NFIB: variants seen among roughly 807,000 people sequenced by gnomAD.
NFIB encodes nuclear factor 1 B-type.
A neutral mutation model predicts 61.5 loss-of-function variants in NFIB; 11 were observed. That is an observed-to-expected ratio of 0.18 (90% CI 0.11 to 0.30). The LOEUF (loss-of-function observed/expected upper bound fraction) is 0.30, where lower values mean the gene tolerates loss of function less well. NFIB is among the 10% of genes least tolerant of loss of function. The probability of loss-of-function intolerance (pLI) is 1.00; values close to 1 mark genes in which losing one functional copy is unlikely to be tolerated. For missense variants in NFIB, 471 were observed against 608.9 expected (o/e 0.77, Z 2.38); for synonymous variants, 260 against 216.5 (o/e 1.20, Z -1.76).
chr9:14,313,515 T>G lies in NFIB; in HGVS notation c.-4A>C. The G allele has an allele frequency of 6.2e-7, 1 of 1,613,778 alleles. No individual in the cohort carries two copies. Among genetic ancestry groups the G allele is most frequent in the South Asian group, 1.1e-5 (1 of 91,010 alleles). ...GACAGATGGGAGAATACATCATGAC[T>G]TCGCCTTAAAACGCACTTTCCGGGA... On this transcript the variant is annotated 5_prime_UTR_variant, in exon 1 of 11. Transcript: ENST00000380953. This position sits in a 1 kb window ranked among gnomAD's most constrained non-coding sequence, Gnocchi z 4.5.
At chr9:14,529,285 A>T in the NFIB span, among the ~76,000 whole-genome samples, 1 of 152,176 alleles carries the variant, frequency 6.6e-6, no homozygotes, top group African/African-American at 2.4e-5. Context: ...AATCTAACTG[A>T]AACAGACAAT....
the NFIB span, among the ~76,000 whole-genome samples, chr9:14,514,778 C>G: frequency 6.6e-6 from 1 of 151,858 alleles, no homozygotes; most frequent in Non-Finnish European, 1.5e-5. Flanking sequence ...AGTGAGCAGC[C>G]CAAAAGCTGG....
the NFIB span, among the ~76,000 whole-genome samples, chr9:14,462,322 G>C: frequency 6.9e-6 from 1 of 145,044 alleles, no homozygotes; most frequent in Non-Finnish European, 1.5e-5. Flanking sequence ...TTGCTCTGTT[G>C]CCCAGGCTGG....
chr9:14,468,152 C>A, the NFIB span, among the ~76,000 whole-genome samples: 3 of 152,306 alleles, frequency 2.0e-5, no homozygotes, highest in Admixed American at 1.3e-4. Context: ...AAGCCACTCA[C>A]CAAGGATGTA....
In NFIB at chr9:14,084,773, C is replaced by T. The variant is rs554162935; in HGVS notation, c.*3536G>A. On this transcript the variant is annotated 3_prime_UTR_variant, in exon 11 of 11. Transcript: ENST00000380953. ...TCGTCAGAATATACTTCCTGGTACA[C>T]GAGGAGGAGGCCGAAAAGTTGATTT... 10 of 228,440 alleles carry T rather than the reference C, an allele frequency of 4.4e-5. No homozygotes were observed. The highest frequency in any genetic ancestry group is 5.7e-5 in the Admixed American group (1 of 17,582). The allele number at this position is 228,440 out of a possible 1,614,324, so 14.2% of individuals were successfully genotyped here.
chr9:14,113,536 T>C (rs1321318102), intron 9 of NFIB, among the ~76,000 whole-genome samples: 1 of 152,256 alleles, frequency 6.6e-6, no homozygotes, highest in African/African-American at 2.4e-5. Flanking sequence ...TTTAAGCAGA[T>C]GTTCTTAATG....
chr9:14,439,525 TAGTA>T, the NFIB span, among the ~76,000 whole-genome samples: 1 of 152,230 alleles, frequency 6.6e-6, no homozygotes, highest in Non-Finnish European at 1.5e-5. Context: ...GTCTGGTACT[TAGTA>T]AGTGCTTAAT....
chr9:14,455,450 G>A, the NFIB span, among the ~76,000 whole-genome samples: 3 of 152,282 alleles, frequency 2.0e-5, no homozygotes, highest in East Asian at 5.8e-4. Flanking sequence ...TGAACTGGAT[G>A]AACAAGTGGA....
At chr9:14,245,864 C>A (rs185352795) in intron 2 of NFIB, among the ~76,000 whole-genome samples, 8 of 152,084 alleles carry the variant, frequency 5.3e-5, no homozygotes, top group Admixed American at 2.6e-4. Context: ...CAGAGCGAGA[C>A]TCTGTCTCGA....
In NFIB at chr9:14,084,695, T is replaced by A. The variant is rs912789675; in HGVS notation, c.*3614A>T. The A allele has an allele frequency of 1.7e-5, 4 of 229,842 alleles. No individual in the cohort carries two copies. Among genetic ancestry groups the A allele is most frequent in the African/African-American group, 2.2e-5 (1 of 45,138 alleles). 14.2% of individuals were successfully genotyped at this position (229,842 alleles called of 1,614,324 possible). A position where few individuals can be genotyped will look rare whatever the true frequency, so the allele number is the denominator to read the frequency against. The stretch of plus-strand genomic sequence containing the variant: ...TGGGTGACCTTCGCCATCCTGAAGC[T>A]CTGCAGTTCTGGGTAAGGGAGGGGC... On this transcript the variant is annotated 3_prime_UTR_variant, in exon 11 of 11. Coordinates refer to ENST00000380953, the MANE Select transcript of NFIB (RefSeq NM_001190737.2).
At chr9:14,461,271 G>T in the NFIB span, among the ~76,000 whole-genome samples, 1 of 152,198 alleles carries the variant, frequency 6.6e-6, no homozygotes, top group Non-Finnish European at 1.5e-5. Flanking sequence ...ATGAGAACAT[G>T]AATGAATCAA....
the NFIB span, among the ~76,000 whole-genome samples, chr9:14,447,024 T>G: frequency 6.6e-6 from 1 of 152,180 alleles, no homozygotes; most frequent in Non-Finnish European, 1.5e-5. Flanking sequence ...CATGCTTTTA[T>G]CACATATGAA....
chr9:14,459,561 A>G, the NFIB span, among the ~76,000 whole-genome samples: 1 of 152,092 alleles, frequency 6.6e-6, no homozygotes. Context: ...AAAAGAAACT[A>G]TCATCAGAGT....
intron 1 of NFIB, among the ~76,000 whole-genome samples, chr9:14,367,818 G>A (rs895211413): frequency 2.0e-5 from 3 of 152,168 alleles, no homozygotes; most frequent in Admixed American, 6.5e-5. Flanking sequence ...TCATAAGAGG[G>A]AGTTGAACAA....
At chr9:14,310,384 A>C (rs1339059468) in intron 1 of NFIB, among the ~76,000 whole-genome samples, 3 of 152,208 alleles carry the variant, frequency 2.0e-5, no homozygotes, top group Admixed American at 2.0e-4. Context: ...TATCCTCCAA[A>C]AATGACTGTA....
intron 1 of NFIB, among the ~76,000 whole-genome samples, chr9:14,340,119 T>C (rs1195536830): frequency 6.6e-6 from 1 of 152,198 alleles, no homozygotes; most frequent in Admixed American, 6.5e-5. Flanking sequence ...GGGCTCTAAC[T>C]TTCAGTCCTG....
chr9:14,479,774 C>T, the NFIB span, among the ~76,000 whole-genome samples: 5 of 152,152 alleles, frequency 3.3e-5, no homozygotes, highest in Admixed American at 6.5e-5. Context: ...AATTGGGTTT[C>T]AAATGTAAGG....
intron 3 of NFIB, among the ~76,000 whole-genome samples, chr9:14,167,431 G>A (rs1056976553): frequency 1.3e-5 from 2 of 152,098 alleles, no homozygotes; most frequent in Admixed American, 6.6e-5. Flanking sequence ...TGCTCAGGAG[G>A]CTGAGGCATG....
At chr9:14,475,697 C>T in the NFIB span, among the ~76,000 whole-genome samples, 26 of 152,200 alleles carry the variant, frequency 1.7e-4, no homozygotes, top group Admixed American at 8.5e-4. Flanking sequence ...TGTTTCAGGA[C>T]CTACCAACCC....
Sources: gnomAD v4.1 joint callset for allele counts (sites outside exome capture counted in the v4.1 genomes callset) on GRCh38, gnomAD v4.1.1 for gene constraint, Gnocchi (gnomAD v3.1) non-coding constraint, MANE v1.5 for transcripts, NCBI Gene and HGNC (gene_info 2026-07-23, HGNC 2026-07-21) for gene names.